RBPMS: variants seen among roughly 807,000 people sequenced by gnomAD.
The protein encoded by RBPMS is RNA-binding protein with multiple splicing.
Under a neutral mutation model 26.8 loss-of-function variants are expected in RBPMS, and 7 were observed. That is an observed-to-expected ratio of 0.26 (90% CI 0.15 to 0.49). The LOEUF (loss-of-function observed/expected upper bound fraction) is 0.49. Ranked by LOEUF, RBPMS falls within the 20% of genes least tolerant of loss-of-function variation. The probability of loss-of-function intolerance (pLI) is 0.98; values close to 1 mark genes in which losing one functional copy is unlikely to be tolerated. For synonymous variants in RBPMS, 96 were observed against 93.3 expected, an observed-to-expected ratio of 1.03 and a Z score of -0.17; for missense variants, 186 against 250.0, an observed-to-expected ratio of 0.74 and a Z score of 1.73.
chr8:30,541,966 T>C lies in RBPMS; in HGVS notation c.398-2528T>C, dbSNP rs996377160. 7.2e-5 allele frequency among the ~76,000 whole-genome samples: 11 copies of C among 152,330 alleles called. No homozygotes were observed. In the East Asian group the frequency reaches 1.9e-3, roughly 27 times the overall value. ...CTCAGGCTCATACTGGAAAGTTAGG[T>C]GTTGGTGAGGACTGCTTCAGGTGCG... On this transcript the variant is annotated intron_variant, in intron 5 of 8. Transcript: ENST00000397323.
At chr8:30,508,328 T>C (rs951910694) in intron 5 of RBPMS, among the ~76,000 whole-genome samples, 2 of 152,162 alleles carry the variant, frequency 1.3e-5, no homozygotes, top group Admixed American at 1.3e-4. Flanking sequence ...GGTATATCAC[T>C]ATGGCAGCCC....
intron 6 of RBPMS, chr8:30,556,721 C>T: frequency 2.0e-6 from 2 of 986,054 alleles, no homozygotes; most frequent in Non-Finnish European, 2.4e-6. Flanking sequence ...CCACCTGTCT[C>T]AGGAAGGCAG....
intron 5 of RBPMS, among the ~76,000 whole-genome samples, chr8:30,511,486 A>AATATATAT (rs869100800): frequency 3.4e-4 from 8 of 23,516 alleles, no homozygotes; most frequent in African/African-American, 1.3e-3. Context: ...AAAAAAAAAA[A>AATATATAT]ATATATATAT....
At chr8:30,564,572 A>G (rs762225692) in intron 7 of RBPMS, 5 of 152,408 alleles carry the variant, frequency 3.3e-5, no homozygotes, top group African/African-American at 4.8e-5. Context: ...GCTCCTCTAC[A>G]AACCACGTGA....
At chr8:30,388,299 T>G (rs1807348570) in intron 1 of RBPMS, among the ~76,000 whole-genome samples, 1 of 151,856 alleles carries the variant, frequency 6.6e-6, no homozygotes, top group South Asian at 2.1e-4. Flanking sequence ...TTATAAAAAT[T>G]GATATATAAT....
chr8:30,471,332 G>T (rs764659579), intron 1 of RBPMS, among the ~76,000 whole-genome samples: 3 of 151,998 alleles, frequency 2.0e-5, no homozygotes, highest in Non-Finnish European at 4.4e-5. Context: ...GTAACCTTTT[G>T]TTCATAATCC....
At chr8:30,409,321 G>A (rs1194998461) in intron 1 of RBPMS, among the ~76,000 whole-genome samples, 1 of 151,816 alleles carries the variant, frequency 6.6e-6, no homozygotes, top group Non-Finnish European at 1.5e-5. Context: ...AGCCTCCCAA[G>A]TAGCTGGGAT....
chr8:30,393,139 A>G (rs1218010130), intron 1 of RBPMS, among the ~76,000 whole-genome samples: 1 of 152,206 alleles, frequency 6.6e-6, no homozygotes, highest in Non-Finnish European at 1.5e-5. Flanking sequence ...ATAAAAATGT[A>G]TTACATATAA....
intron 1 of RBPMS, among the ~76,000 whole-genome samples, chr8:30,437,790 CA>C (rs11290191): frequency 0.76 from 80,369 of 106,028 alleles, 29,625 homozygotes; most frequent in African/African-American, 0.85. Flanking sequence ...GACTCCATCT[CA>C]AAAAAAAAAA....
intron 1 of RBPMS, among the ~76,000 whole-genome samples, chr8:30,470,304 A>G (rs1331559542): frequency 6.6e-6 from 1 of 152,008 alleles, no homozygotes; most frequent in Non-Finnish European, 1.5e-5. Flanking sequence ...GAATGGCTTG[A>G]ACCCGGGAGA....
At chr8:30,385,518 G>A (rs2150523259) in intron 1 of RBPMS, 1 of 208,278 alleles carries the variant, frequency 4.8e-6, no homozygotes, top group South Asian at 1.9e-4. Context: ...AATTGTGTAT[G>A]GATTCAGGGT....
At chr8:30,460,493 CTG>C (rs1815756424) in intron 1 of RBPMS, among the ~76,000 whole-genome samples, 1 of 152,178 alleles carries the variant, frequency 6.6e-6, no homozygotes, top group Admixed American at 6.5e-5. Flanking sequence ...CATCTATGCT[CTG>C]TGAACGTCCC....
At chr8:30,530,989 T>C (rs1314594387) in intron 5 of RBPMS, among the ~76,000 whole-genome samples, 1 of 152,080 alleles carries the variant, frequency 6.6e-6, no homozygotes, top group Non-Finnish European at 1.5e-5. Flanking sequence ...GTATTATATA[T>C]ATATATTTTT....
intron 6 of RBPMS, among the ~76,000 whole-genome samples, chr8:30,546,447 T>C (rs1047295728): frequency 6.6e-6 from 1 of 152,162 alleles, no homozygotes; most frequent in African/African-American, 2.4e-5. Flanking sequence ...AGATACGGTA[T>C]GGTAAGAGAA....
chr8:30,567,459 A>G (rs1208173433), intron 8 of RBPMS, among the ~76,000 whole-genome samples: 2 of 152,210 alleles, frequency 1.3e-5, no homozygotes, highest in Non-Finnish European at 1.5e-5. Context: ...AGCTGGGTCT[A>G]TCCCACTAGG....
intron 6 of RBPMS, among the ~76,000 whole-genome samples, chr8:30,550,997 C>T (rs1826317301): frequency 6.6e-6 from 1 of 152,232 alleles, no homozygotes; most frequent in African/African-American, 2.4e-5. Flanking sequence ...GACTTTCTGG[C>T]ACTTTCTTCC....
chr8:30,490,620 C>T (rs1321155768), intron 4 of RBPMS, among the ~76,000 whole-genome samples: 2 of 152,038 alleles, frequency 1.3e-5, no homozygotes, highest in Non-Finnish European at 2.9e-5. Context: ...CCTCCACGCC[C>T]GGCTAATTTT....
intron 4 of RBPMS, among the ~76,000 whole-genome samples, chr8:30,485,886 G>A (rs1402683891): frequency 1.3e-5 from 2 of 152,154 alleles, no homozygotes; most frequent in African/African-American, 4.8e-5. Context: ...GTTTTTAGAT[G>A]TTATAAAACC....
At chr8:30,468,348 GTC>G (rs1403518689) in intron 1 of RBPMS, among the ~76,000 whole-genome samples, 1 of 151,974 alleles carries the variant, frequency 6.6e-6, no homozygotes, top group East Asian at 1.9e-4. Context: ...TTTTGGGTCT[GTC>G]TCCATTTCAG....
Sources: gnomAD v4.1 joint callset for allele counts (sites outside exome capture counted in the v4.1 genomes callset) on GRCh38, gnomAD v4.1.1 for gene constraint, MANE v1.5 for transcripts, NCBI Gene and HGNC (gene_info 2026-07-23, HGNC 2026-07-21) for gene names.